Variants in NOS1 observed in about 807,000 individuals in gnomAD.
NOS1 encodes the protein NOS type I.
NOS1 carries 51 observed loss-of-function variants against 164.5 expected under a neutral mutation model. That is an observed-to-expected ratio of 0.31 (90% CI 0.25 to 0.39). The LOEUF (loss-of-function observed/expected upper bound fraction) is 0.39, where lower values mean the gene tolerates loss of function less well. NOS1 is among the 10% of genes least tolerant of loss of function. The pLI, the probability that NOS1 is intolerant of heterozygous loss-of-function variation, is 1.00. For missense variants in NOS1, 1,362 were observed against 1,885.6 expected, an observed-to-expected ratio of 0.72 and a Z score of 5.14; for synonymous variants, 719 against 745.8, an observed-to-expected ratio of 0.96 and a Z score of 0.59.
chr12:117,342,047 C>G (rs1876136309), intron 1 of NOS1, among the ~76,000 whole-genome samples: 1 of 152,200 alleles, frequency 6.6e-6, no homozygotes, highest in Non-Finnish European at 1.5e-5. Flanking sequence ...GGAAACTTTT[C>G]TTAACAATCA....
rs1956527930 is a variant in NOS1 at position 117,211,484 on chromosome 12, G to GA, written c.*3824dup. 5.1e-6 allele frequency: 5 copies of GA among 984,216 alleles called. No homozygotes were observed. The South Asian group carries it at 2.4e-4, about 46-fold the overall frequency. The allele number at this position is 984,216 out of a possible 1,614,324, so 61.0% of individuals were successfully genotyped here. On this transcript the variant is annotated 3_prime_UTR_variant, in exon 29 of 29. Coordinates refer to ENST00000317775, the MANE Select transcript of NOS1 (RefSeq NM_000620.5). ...TCCAATCGCCTTAATGTCCCTTTTT[G>GA]AAAAACATTCTTAGGGACTCCCTGT... is the stretch of plus-strand genomic sequence containing the variant.
In NOS1 at chr12:117,330,873, G is replaced by T; in HGVS notation, c.197C>A (p.Ala66Glu). 2 of 1,614,098 alleles carry T rather than the reference G, an allele frequency of 1.2e-6. No individual in the cohort carries two copies. Among genetic ancestry groups the T allele is most frequent in the Non-Finnish European group, 1.7e-6 (2 of 1,180,006 alleles). Residue 66 changes from alanine (A) to glutamate (E), a missense_variant, in exon 2 of 29, where the codon GCG becomes GAG. Transcript: ENST00000317775. This position sits in a 1 kb window ranked among gnomAD's most constrained non-coding sequence, Gnocchi z 4.6. ...GTCCACCAAGGGCCGGCCGTTGACCGCAAGAATGATGTCTCCGGCCTGGAT... is the reference window on the plus strand; with the variant it reads ...GTCCACCAAGGGCCGGCCGTTGACCTCAAGAATGATGTCTCCGGCCTGGAT... ...GLIQAGDIIL[A>E]VNGRPLVDLS...
chr12:117,321,511 A>C (rs75992652), intron 2 of NOS1, among the ~76,000 whole-genome samples: 5,207 of 152,168 alleles, frequency 0.034, 105 homozygotes, highest in East Asian at 0.081. Context: ...CCTCAGAATA[A>C]AGGGCTGGGT....
chr12:117,256,296 T>TTTTTTTG (rs1871449297), intron 16 of NOS1, among the ~76,000 whole-genome samples: 1 of 149,686 alleles, frequency 6.7e-6, no homozygotes, highest in Non-Finnish European at 1.5e-5. Context: ...TTTTTTTTTT[T>TTTTTTTG]GAGACGGAGT....
chr12:117,330,808 C>T lies in NOS1; in HGVS notation c.262G>A (p.Ala88Thr). 6.2e-7 allele frequency: 1 copy of T among 1,614,070 alleles called. No individual in the cohort carries two copies. The highest frequency in any genetic ancestry group is 1.1e-5 in the South Asian group (1 of 91,078). Residue 88 changes from alanine to threonine, a missense_variant, in exon 2 of 29, where the codon GCC becomes ACC. Ala to Thr is a moderately conservative substitution (Grantham distance 58, BLOSUM62 0). Transcript: ENST00000317775. This position sits in a 1 kb window ranked among gnomAD's most constrained non-coding sequence, Gnocchi z 4.6. ...ATGAGGACCACGTGGGTCTCAGAGG[C>T]AATGCCTCTGAGTACCTCCAGGGCG... ...DSALEVLRGI[A>T]SETHVVLILR...
At chr12:117,338,402 T>C (rs1387834421) in intron 1 of NOS1, among the ~76,000 whole-genome samples, 2 of 138,542 alleles carry the variant, frequency 1.4e-5, no homozygotes, top group South Asian at 2.3e-4. Context: ...CCCTGTTTCA[T>C]AGGCGGGAAC....
chr12:117,265,662 G>T (rs925907632), intron 11 of NOS1, 152 bp from the exon 12 acceptor site: 2 of 505,634 alleles, frequency 4.0e-6, no homozygotes, highest in South Asian at 1.0e-4. Context: ...TGCATTTCTT[G>T]TCCAGTCCTT....
Position 117,210,789 on chromosome 12 carries a change from C to G in NOS1, c.*4520G>C, listed in dbSNP as rs1282181493. On this transcript the variant is annotated 3_prime_UTR_variant, in exon 29 of 29. Transcript: ENST00000317775. ...TAGCCAATGTCTACTGGCTGGGGGT[C>G]AGTTTTCCCTCCGGGCATCTGGGCA... The G allele has an allele frequency of 2.0e-6, 2 of 985,198 alleles. No individual in the cohort carries two copies. Among genetic ancestry groups the G allele is most frequent in the Non-Finnish European group, 2.4e-6 (2 of 829,960 alleles). The allele number at this position is 985,198 out of a possible 1,614,324, so 61.0% of individuals were successfully genotyped here.
At chr12:117,292,520 A>G (rs1873128710) in intron 3 of NOS1, among the ~76,000 whole-genome samples, 1 of 152,234 alleles carries the variant, frequency 6.6e-6, no homozygotes, top group African/African-American at 2.4e-5. Context: ...AGAACTGCGA[A>G]GGACTAATAC....
rs1869578028 is a variant in NOS1, at chr12:117,234,926, A to ATTATTG, written c.3042-169_3042-168insCAATAA. On this transcript the variant is annotated intron_variant, in intron 20 of 28. Coordinates refer to ENST00000317775, the MANE Select transcript of NOS1 (RefSeq NM_000620.5). The surrounding 1 kb of genome is among the most constrained non-coding windows in gnomAD (Gnocchi z 4.3). ...TCATTCTATTATTATTATTATTATT[A>ATTATTG]TTATTATGGTGAGATAGGGTTTTGC... 6.6e-6 allele frequency among the ~76,000 whole-genome samples: 1 copy of ATTATTG among 151,608 alleles called. No individual in the cohort carries two copies. The highest frequency in any genetic ancestry group is 2.1e-4 in the South Asian group (1 of 4,798).
intron 1 of NOS1, among the ~76,000 whole-genome samples, chr12:117,333,147 C>T (rs560659235): frequency 1.4e-4 from 22 of 152,228 alleles, no homozygotes; most frequent in Middle Eastern, 3.4e-3. Flanking sequence ...GGGAAGTAGC[C>T]GCCCGTCCCT....
At chr12:117,225,212 C>A in intron 24 of NOS1, 75 bp from the exon 25 acceptor site, 1 of 1,534,376 alleles carries the variant, frequency 6.5e-7, no homozygotes, top group Non-Finnish European at 8.8e-7. Flanking sequence ...TTAGGTAGAC[C>A]AGGTGGCCAT....
Position 117,337,069 on chromosome 12 carries a change from T to C in NOS1, c.-420-5580A>G, listed in dbSNP as rs181114428. On this transcript the variant is annotated intron_variant, in intron 1 of 28. Coordinates refer to ENST00000317775, the MANE Select transcript of NOS1 (RefSeq NM_000620.5). The stretch of plus-strand genomic sequence containing the variant: ...CCTCAGCCTCCCAAAGTATAGGGAT[T>C]ACAGGCATGAGCCACTGTACCCAGC... 2.0e-4 allele frequency among the ~76,000 whole-genome samples: 30 copies of C among 151,342 alleles called. No homozygotes were observed. The East Asian group carries it at 5.7e-3, about 29-fold the overall frequency.
intron 2 of NOS1, among the ~76,000 whole-genome samples, chr12:117,314,752 G>A (rs1263027942): frequency 2.0e-5 from 3 of 151,952 alleles, no homozygotes; most frequent in Admixed American, 6.6e-5. Flanking sequence ...GACTACAGGC[G>A]CACACCACCA....
chr12:117,268,909 T>A (rs1227800537), intron 10 of NOS1, among the ~76,000 whole-genome samples: 1 of 152,136 alleles, frequency 6.6e-6, no homozygotes, highest in African/African-American at 2.4e-5. Flanking sequence ...AAAAATTTTT[T>A]ATTGATCTGT....
At chr12:117,258,775 C>G (rs773229635) in intron 15 of NOS1, among the ~76,000 whole-genome samples, 1 of 152,200 alleles carries the variant, frequency 6.6e-6, no homozygotes, top group Admixed American at 6.5e-5. Context: ...ATAGGAGCAG[C>G]CACTGCAAAC....
At chr12:117,228,877 G>T (rs979922949) in intron 22 of NOS1, among the ~76,000 whole-genome samples, 1 of 152,114 alleles carries the variant, frequency 6.6e-6, no homozygotes, top group Non-Finnish European at 1.5e-5. Flanking sequence ...GCCTCCCGGG[G>T]TTCACGCCAT....
At chr12:117,240,358 T>A (rs1235556487) in intron 20 of NOS1, among the ~76,000 whole-genome samples, 1 of 152,122 alleles carries the variant, frequency 6.6e-6, no homozygotes, top group Non-Finnish European at 1.5e-5. Flanking sequence ...ATCAAAGGTT[T>A]GGAGGATTAC....
chr12:117,220,281 A>G lies in NOS1; in HGVS notation c.3976-12T>C, dbSNP rs1956682634. On this transcript the variant is annotated splice_polypyrimidine_tract_variant and intron_variant, in intron 26 of 28. Transcript: ENST00000317775. ...TCCTGCACGTACTTCTGCAAGGAGC[A>G]GAGAGCAGTGAGAAGGGGCTGGGCT... is the stretch of plus-strand genomic sequence containing the variant. 6.3e-7 allele frequency: 1 copy of G among 1,597,630 alleles called. No homozygotes were observed.
Sources: allele counts gnomAD v4.1 joint callset (sites outside exome capture counted in the v4.1 genomes callset), GRCh38; gene constraint gnomAD v4.1.1; non-coding constraint Gnocchi (gnomAD v3.1); transcripts MANE v1.5; gene names NCBI Gene and HGNC (gene_info 2026-07-23, HGNC 2026-07-21).